The following LRMDA variants were observed in gnomAD, a reference collection of about 807,000 sequenced individuals.
LRMDA encodes leucine rich melanocyte differentiation associated.
In LRMDA, 18 loss-of-function variants were observed where a neutral mutation model predicts 29.8. That is an observed-to-expected ratio of 0.60 (90% CI 0.42 to 0.90). The LOEUF (loss-of-function observed/expected upper bound fraction) is 0.90, where lower values mean the gene tolerates loss of function less well. Among genes scored for constraint, LRMDA ranks in the 40% least tolerant of loss-of-function variants. The probability of loss-of-function intolerance (pLI) is 0.00; values close to 1 mark genes in which losing one functional copy is unlikely to be tolerated. For synonymous variants in LRMDA, 125 were observed against 109.4 expected, an observed-to-expected ratio of 1.14 and a Z score of -0.89; for missense variants, 273 against 273.9, an observed-to-expected ratio of 1.00 and a Z score of 0.02.
chr10:76,303,840 T>TGCCAG (rs1404335179), intron 5 of LRMDA, among the ~76,000 whole-genome samples: 1 of 152,024 alleles, frequency 6.6e-6, no homozygotes, highest in Non-Finnish European at 1.5e-5. Context: ...GCTGAGGACC[T>TGCCAG]GCCAGGCAGC....
At chr10:75,655,253 T>C (rs1185442817) in intron 2 of LRMDA, among the ~76,000 whole-genome samples, 1 of 152,238 alleles carries the variant, frequency 6.6e-6, no homozygotes, top group Non-Finnish European at 1.5e-5. Context: ...GGTGTATCAG[T>C]ATGGAGAGCA....
At chr10:75,703,668 G>A (rs1842334591) in intron 2 of LRMDA, among the ~76,000 whole-genome samples, 1 of 152,218 alleles carries the variant, frequency 6.6e-6, no homozygotes, top group Admixed American at 6.5e-5. Context: ...GATGTTTACA[G>A]CTGGGTACCT....
chr10:76,482,600 G>A (rs1406913013), intron 6 of LRMDA, among the ~76,000 whole-genome samples: 3 of 151,870 alleles, frequency 2.0e-5, no homozygotes, highest in African/African-American at 7.2e-5. Flanking sequence ...GTTGATGATG[G>A]ACATTTGATT....
intron 2 of LRMDA, among the ~76,000 whole-genome samples, chr10:75,888,670 A>G (rs1845431801): frequency 6.6e-6 from 1 of 152,236 alleles, no homozygotes. Context: ...ATTATATCCA[A>G]TTAACACCCA....
intron 5 of LRMDA, among the ~76,000 whole-genome samples, chr10:76,231,151 GAAAGAAA>G (rs1852051564): frequency 6.6e-6 from 1 of 151,478 alleles, no homozygotes; most frequent in Non-Finnish European, 1.5e-5. Context: ...GAAAGAGAAA[GAAAGAAA>G]AAAGAAAAAG....
intron 2 of LRMDA, among the ~76,000 whole-genome samples, chr10:75,949,813 G>A (rs1309752997): frequency 6.6e-6 from 1 of 152,144 alleles, no homozygotes. Context: ...TGTACCAAGA[G>A]CACCAGTTCT....
intron 5 of LRMDA, among the ~76,000 whole-genome samples, chr10:76,061,984 G>A (rs971605481): frequency 6.6e-6 from 1 of 152,140 alleles, no homozygotes; most frequent in Non-Finnish European, 1.5e-5. Flanking sequence ...TTCACGGTGT[G>A]TACAGACATA....
intron 5 of LRMDA, among the ~76,000 whole-genome samples, chr10:76,304,200 T>C (rs927624082): frequency 3.3e-5 from 5 of 152,186 alleles, no homozygotes; most frequent in Non-Finnish European, 7.3e-5. Context: ...AAAAGAAAGC[T>C]GAGCCAAGCA....
At chr10:76,101,422 T>C (rs1455205525) in intron 5 of LRMDA, among the ~76,000 whole-genome samples, 1 of 152,216 alleles carries the variant, frequency 6.6e-6, no homozygotes, top group Non-Finnish European at 1.5e-5. Flanking sequence ...GTATTCACCC[T>C]TATTATCCCC....
At chr10:76,405,600 A>G (rs1841894639) in intron 6 of LRMDA, among the ~76,000 whole-genome samples, 1 of 152,196 alleles carries the variant, frequency 6.6e-6, no homozygotes, top group African/African-American at 2.4e-5. Context: ...TATGCAGCAG[A>G]TTGAACTTCA....
chr10:76,293,637 A>T (rs571161403), intron 5 of LRMDA, among the ~76,000 whole-genome samples: 1 of 152,344 alleles, frequency 6.6e-6, no homozygotes, highest in African/African-American at 2.4e-5. Context: ...GATAACTATG[A>T]GGAGTTAGGG....
chr10:75,604,717 T>C (rs925206041), intron 2 of LRMDA, among the ~76,000 whole-genome samples: 1 of 152,150 alleles, frequency 6.6e-6, no homozygotes, highest in Non-Finnish European at 1.5e-5. Flanking sequence ...ACTGCCAAAA[T>C]ACTATGATTT....
intron 2 of LRMDA, among the ~76,000 whole-genome samples, chr10:75,550,295 A>G (rs1160427989): frequency 6.6e-6 from 1 of 152,136 alleles, no homozygotes; most frequent in Non-Finnish European, 1.5e-5. Context: ...AGGAGTATTC[A>G]AGTCTCCTAT....
At chr10:76,477,584 G>A (rs1204286957) in intron 6 of LRMDA, among the ~76,000 whole-genome samples, 7 of 152,086 alleles carry the variant, frequency 4.6e-5, no homozygotes, top group Admixed American at 2.6e-4. Context: ...AAAAGAGCCC[G>A]CATCGCCAAG....
At chr10:75,749,238 C>A (rs1274579321) in intron 2 of LRMDA, among the ~76,000 whole-genome samples, 1 of 152,164 alleles carries the variant, frequency 6.6e-6, no homozygotes. Context: ...TGTAAGGCTG[C>A]AGTATGTAAT....
chr10:75,811,857 G>A (rs2132272112), intron 2 of LRMDA, among the ~76,000 whole-genome samples: 2 of 152,268 alleles, frequency 1.3e-5, no homozygotes, highest in East Asian at 3.9e-4. Context: ...TTCATCAGCT[G>A]TTCCTCTGGA....
At chr10:75,667,372 A>G (rs1467379027) in intron 2 of LRMDA, among the ~76,000 whole-genome samples, 1 of 152,204 alleles carries the variant, frequency 6.6e-6, no homozygotes, top group African/African-American at 2.4e-5. Flanking sequence ...TGGCACGATC[A>G]TGACTCACTG....
intron 6 of LRMDA, among the ~76,000 whole-genome samples, chr10:76,526,792 C>T (rs1388653380): frequency 7.5e-5 from 9 of 120,032 alleles, no homozygotes; most frequent in East Asian, 7.4e-4. Context: ...TGAGAATATG[C>T]GGTGTTTGAA....
At chr10:76,479,753 C>T (rs560675170) in intron 6 of LRMDA, among the ~76,000 whole-genome samples, 10 of 151,948 alleles carry the variant, frequency 6.6e-5, no homozygotes, top group South Asian at 4.1e-4. Context: ...AAGAGTATGA[C>T]GGGTCGAAGG....
Sources: gnomAD v4.1 joint callset for allele counts (sites outside exome capture counted in the v4.1 genomes callset) on GRCh38, gnomAD v4.1.1 for gene constraint, MANE v1.5 for transcripts, NCBI Gene and HGNC (gene_info 2026-07-23, HGNC 2026-07-21) for gene names.